KIFAP3: variants seen among roughly 807,000 people sequenced by gnomAD.
KIFAP3 encodes kinesin associated protein 3, also known as kinesin-associated protein 3.
KIFAP3 carries 68 observed loss-of-function variants against 106.5 expected under a neutral mutation model. The ratio of observed to expected loss-of-function variants is 0.64; its 90% confidence interval spans 0.53 to 0.78. The LOEUF is 0.78. Ranked by LOEUF, KIFAP3 falls within the 30% of genes least tolerant of loss-of-function variation. The pLI, the probability that KIFAP3 is intolerant of heterozygous loss-of-function variation, is 0.00. For missense variants in KIFAP3, 780 were observed against 941.8 expected, an observed-to-expected ratio of 0.83 and a Z score of 2.25; for synonymous variants, 320 against 311.5, an observed-to-expected ratio of 1.03 and a Z score of -0.29.
intron 19 of KIFAP3, among the ~76,000 whole-genome samples, chr1:169,948,554 A>G (rs1365229247): frequency 1.3e-5 from 2 of 152,020 alleles, no homozygotes; most frequent in African/African-American, 2.4e-5. Flanking sequence ...GTCAATGTCT[A>G]TCAAAGAAAA....
Position 170,018,976 on chromosome 1 carries a change from T to C in KIFAP3, c.1021-2352A>G, listed in dbSNP as rs145132613. 6.6e-3 allele frequency among the ~76,000 whole-genome samples: 1,000 copies of C among 152,112 alleles called. 11 individuals are homozygous for C. Among genetic ancestry groups the C allele is most frequent in the African/African-American group, 0.023 (948 of 41,486 alleles). On this transcript the variant is annotated intron_variant, in intron 9 of 19. Transcript: ENST00000361580. ...GATTCTTTGAAAATACCAAAGCAAC[T>C]GATAAACCACTAATCTAGAAAAAAA...
intron 10 of KIFAP3, among the ~76,000 whole-genome samples, chr1:170,003,193 G>A (rs1004805773): frequency 1.3e-5 from 2 of 152,146 alleles, no homozygotes; most frequent in Non-Finnish European, 2.9e-5. Flanking sequence ...ACTGCTATAT[G>A]TGTCTAAGTG....
upstream of KIFAP3, among the ~76,000 whole-genome samples, chr1:170,075,795 A>G (rs958308163): frequency 5.3e-5 from 8 of 152,212 alleles, no homozygotes; most frequent in African/African-American, 1.4e-4. Flanking sequence ...ACAAAATTCT[A>G]TCTTTTCTTC....
intron 19 of KIFAP3, among the ~76,000 whole-genome samples, chr1:169,951,820 G>C (rs1236274764): frequency 6.6e-6 from 1 of 151,844 alleles, no homozygotes; most frequent in Non-Finnish European, 1.5e-5. Flanking sequence ...CACAGTATCT[G>C]CAGGAGATAC....
At chr1:170,068,449 T>G (rs1386649386) in intron 1 of KIFAP3, 2 of 152,052 alleles carry the variant, frequency 1.3e-5, no homozygotes, top group African/African-American at 4.8e-5. Context: ...TACAGGGTTT[T>G]TAACAGCAGA....
At chr1:170,005,365 C>A (rs1667895964) in intron 10 of KIFAP3, among the ~76,000 whole-genome samples, 3 of 151,902 alleles carry the variant, frequency 2.0e-5, no homozygotes, top group Non-Finnish European at 4.4e-5. Flanking sequence ...GGGTATATAC[C>A]CAAAGGATTA....
intron 1 of KIFAP3, 61 bp downstream of exon 1, chr1:170,074,375 C>A (rs1247049748): frequency 6.3e-7 from 1 of 1,594,994 alleles, no homozygotes; most frequent in African/African-American, 1.3e-5. Context: ...TCACAGCCAA[C>A]CCAAGAACAT....
At chr1:170,050,263 TG>T (rs1489670406) in intron 2 of KIFAP3, among the ~76,000 whole-genome samples, 2 of 152,050 alleles carry the variant, frequency 1.3e-5, no homozygotes, top group African/African-American at 4.8e-5. Flanking sequence ...ATCACCTTGC[TG>T]AAATAAGGCG....
chr1:169,939,423 C>T (rs1349155307), intron 19 of KIFAP3, among the ~76,000 whole-genome samples: 2 of 151,996 alleles, frequency 1.3e-5, no homozygotes. Context: ...AAGGGAGGAA[C>T]CTGTTTATAT....
intron 15 of KIFAP3, among the ~76,000 whole-genome samples, chr1:169,980,907 G>C (rs1284721265): frequency 6.6e-6 from 1 of 152,144 alleles, no homozygotes; most frequent in Non-Finnish European, 1.5e-5. Context: ...TTCAAGACCA[G>C]CCTGACCAAC....
chr1:170,068,204 A>T (rs1671538642), intron 1 of KIFAP3: 1 of 152,178 alleles, frequency 6.6e-6, no homozygotes, highest in Non-Finnish European at 1.5e-5. Context: ...CATTCTCACA[A>T]TAAAAAAAAT....
At chr1:169,942,054 C>A (rs1206589048) in intron 19 of KIFAP3, among the ~76,000 whole-genome samples, 1 of 152,084 alleles carries the variant, frequency 6.6e-6, no homozygotes, top group Non-Finnish European at 1.5e-5. Context: ...GTTATTTTTA[C>A]TCTAAGAAGA....
chr1:170,023,328 T>C (rs914180801), intron 9 of KIFAP3, among the ~76,000 whole-genome samples: 2 of 152,080 alleles, frequency 1.3e-5, no homozygotes, highest in Admixed American at 1.3e-4. Flanking sequence ...TCATTCACTA[T>C]AGTATTAGCT....
chr1:169,970,982 A>G (rs1163442590), intron 17 of KIFAP3, among the ~76,000 whole-genome samples: 1 of 152,042 alleles, frequency 6.6e-6, no homozygotes, highest in Non-Finnish European at 1.5e-5. Flanking sequence ...CAGTTTTAAG[A>G]TGAGAGACTT....
At chr1:170,004,664 C>G (rs879561703) in intron 10 of KIFAP3, among the ~76,000 whole-genome samples, 3 of 151,714 alleles carry the variant, frequency 2.0e-5, no homozygotes, top group Non-Finnish European at 2.9e-5. Context: ...ATGTAGAAAG[C>G]TGAAACTGGA....
At chr1:169,948,796 T>C (rs960775385) in intron 19 of KIFAP3, among the ~76,000 whole-genome samples, 2 of 152,052 alleles carry the variant, frequency 1.3e-5, no homozygotes, top group African/African-American at 4.8e-5. Context: ...ATAGACAACT[T>C]AGTTTCTCTT....
intron 2 of KIFAP3, among the ~76,000 whole-genome samples, chr1:170,049,818 C>A (rs1486567828): frequency 6.6e-6 from 1 of 151,258 alleles, no homozygotes; most frequent in Non-Finnish European, 1.5e-5. Context: ...CCACCCCCCC[C>A]CAAAAAAAAC....
intron 1 of KIFAP3, chr1:170,068,020 T>C (rs1336988456): frequency 6.6e-6 from 1 of 152,220 alleles, no homozygotes; most frequent in Non-Finnish European, 1.5e-5. Context: ...TAAGGTAAAA[T>C]TGTAAATTGC....
chr1:169,967,792 T>C (rs1665703318), intron 17 of KIFAP3, among the ~76,000 whole-genome samples: 1 of 151,858 alleles, frequency 6.6e-6, no homozygotes, highest in African/African-American at 2.4e-5. Flanking sequence ...AATTCTTAAA[T>C]GAAAACCCAA....
Sources: gnomAD v4.1 joint callset for allele counts (sites outside exome capture counted in the v4.1 genomes callset) on GRCh38, gnomAD v4.1.1 for gene constraint, MANE v1.5 for transcripts, NCBI Gene and HGNC (gene_info 2026-07-23, HGNC 2026-07-21) for gene names.